The following IGSF21 variants were observed in gnomAD, a reference collection of about 807,000 sequenced individuals.
IGSF21 encodes the protein immunoglobin superfamily member 21, also known as immunoglobulin superfamily member 21.
IGSF21 carries 28 observed loss-of-function variants against 46.8 expected under a neutral mutation model. The ratio of observed to expected loss-of-function variants is 0.60; its 90% CI spans 0.44 to 0.82. The LOEUF (loss-of-function observed/expected upper bound fraction) is 0.82. IGSF21 is among the 40% of genes least tolerant of loss of function. The probability of loss-of-function intolerance (pLI) is 0.00; values close to 1 mark genes in which losing one functional copy is unlikely to be tolerated. For synonymous variants in IGSF21, 284 were observed against 273.6 expected, an observed-to-expected ratio of 1.04 and a Z score of -0.38; for missense variants, 624 against 665.5, an observed-to-expected ratio of 0.94 and a Z score of 0.69.
chr1:18,334,723 T>A lies in IGSF21; in HGVS notation c.306-169T>A, dbSNP rs1032457418. Among the ~76,000 whole-genome samples the A allele has an allele frequency of 2.6e-5, 4 of 152,248 alleles. No homozygotes were observed. The highest frequency in any genetic ancestry group is 6.8e-3 in the Middle Eastern group (2 of 294). ...ACTGTCTGAGATGCCGAGCACAGGG[T>A]CTGCATACAGTCGGTGTTCCATAAA... On this transcript the variant is annotated intron_variant, in intron 3 of 9. Transcript: ENST00000251296. This position sits in a 1 kb window ranked among gnomAD's most constrained non-coding sequence, Gnocchi z 4.3.
At chr1:18,250,552 T>C (rs896209087) in intron 2 of IGSF21, among the ~76,000 whole-genome samples, 3 of 152,206 alleles carry the variant, frequency 2.0e-5, no homozygotes, top group African/African-American at 7.2e-5. Context: ...CATAAAGAGA[T>C]ATGTAATTAA....
At chr1:18,354,992 A>G (rs4920314) in intron 4 of IGSF21, among the ~76,000 whole-genome samples, 46,682 of 151,900 alleles carry the variant, frequency 0.31, 7,552 homozygotes, top group East Asian at 0.46. Context: ...AGAGGCTGGC[A>G]GGGTATGTCT....
intron 4 of IGSF21, among the ~76,000 whole-genome samples, chr1:18,359,387 G>GAAGAAAGAAAGA: frequency 3.0e-5 from 1 of 33,894 alleles, no homozygotes; most frequent in African/African-American, 1.1e-4. Context: ...AGAAAGAAAG[G>GAAGAAAGAAAGA]AAGGAAGGAA....
At chr1:18,192,268 T>C (rs564509460) in intron 1 of IGSF21, among the ~76,000 whole-genome samples, 1 of 152,138 alleles carries the variant, frequency 6.6e-6, no homozygotes, top group Non-Finnish European at 1.5e-5. Flanking sequence ...CCTTCTTGCC[T>C]GTGGTCAGCA....
At chr1:18,226,144 C>T (rs1249175342) in intron 1 of IGSF21, among the ~76,000 whole-genome samples, 1 of 152,236 alleles carries the variant, frequency 6.6e-6, no homozygotes, top group Non-Finnish European at 1.5e-5. Flanking sequence ...TGGGGTCTGT[C>T]CTCCTGAAGG....
intron 1 of IGSF21, among the ~76,000 whole-genome samples, chr1:18,212,069 G>A (rs543569386): frequency 1.2e-4 from 19 of 152,362 alleles, no homozygotes; most frequent in East Asian, 1.9e-4. Flanking sequence ...GTGGAGGGGC[G>A]CAGAGAAGTG....
At chr1:18,121,730 A>C (rs2086235646) in intron 1 of IGSF21, among the ~76,000 whole-genome samples, 1 of 152,038 alleles carries the variant, frequency 6.6e-6, no homozygotes. Flanking sequence ...GTGACCCTTT[A>C]GGAGGAGATG....
chr1:18,303,956 G>C (rs1442477740), intron 3 of IGSF21, among the ~76,000 whole-genome samples: 5 of 152,190 alleles, frequency 3.3e-5, no homozygotes, highest in Non-Finnish European at 5.9e-5. Flanking sequence ...GTGATGAGGA[G>C]TCATTGAAAT....
intron 1 of IGSF21, among the ~76,000 whole-genome samples, chr1:18,219,141 A>G (rs1223432558): frequency 6.6e-6 from 1 of 152,236 alleles, no homozygotes; most frequent in East Asian, 1.9e-4. Flanking sequence ...AAGTATATGT[A>G]GGCAGTGATA....
At chr1:18,232,939 G>C (rs76961563) in intron 2 of IGSF21, among the ~76,000 whole-genome samples, 2 of 152,170 alleles carry the variant, frequency 1.3e-5, no homozygotes, top group African/African-American at 4.8e-5. Flanking sequence ...TAAGTATGAA[G>C]GAAAAGGGAA....
chr1:18,275,285 G>A (rs1035635294), intron 2 of IGSF21, among the ~76,000 whole-genome samples: 1 of 151,968 alleles, frequency 6.6e-6, no homozygotes, highest in Non-Finnish European at 1.5e-5. Flanking sequence ...TTGACCCAGG[G>A]ATCTAAGCTG....
At chr1:18,175,306 C>T (rs938928515) in intron 1 of IGSF21, among the ~76,000 whole-genome samples, 9 of 152,196 alleles carry the variant, frequency 5.9e-5, no homozygotes, top group African/African-American at 2.2e-4. Flanking sequence ...ACAGGCCCCT[C>T]TAGCTCTGAC....
rs560795773 is a variant in IGSF21, at chr1:18,353,712, G to A, written c.425-8403G>A. On this transcript the variant is annotated intron_variant, in intron 4 of 9. Transcript: ENST00000251296. The stretch of plus-strand genomic sequence containing the variant: ...GCTGAGTGAAAGACTTCAAACAGGG[G>A]AAGCTGCACATGCAAAGGCCCTGTG... 5.3e-3 allele frequency among the ~76,000 whole-genome samples: 805 copies of A among 152,328 alleles called. 3 individuals are homozygous for A. The highest frequency in any genetic ancestry group is 9.5e-3 in the Non-Finnish European group (644 of 68,030).
chr1:18,328,766 AT>A (rs2085682954), intron 3 of IGSF21, among the ~76,000 whole-genome samples: 1 of 152,094 alleles, frequency 6.6e-6, no homozygotes, highest in African/African-American at 2.4e-5. Flanking sequence ...AATCAAACTC[AT>A]TTCCTGTGTC....
intron 3 of IGSF21, among the ~76,000 whole-genome samples, chr1:18,305,511 T>TG (rs370049617): frequency 0.44 from 57,934 of 132,670 alleles, 15,379 homozygotes; most frequent in East Asian, 0.69. Context: ...GATGGATGGA[T>TG]GAATGGATGG....
chr1:18,372,221 C>A (rs148016328), intron 6 of IGSF21, among the ~76,000 whole-genome samples: 1 of 152,314 alleles, frequency 6.6e-6, no homozygotes, highest in Admixed American at 6.5e-5. Flanking sequence ...TTAATTAATG[C>A]TTTTCTAGGT....
intron 4 of IGSF21, among the ~76,000 whole-genome samples, chr1:18,359,412 A>C (rs1375079459): frequency 1.4e-5 from 2 of 147,130 alleles, no homozygotes; most frequent in African/African-American, 2.5e-5. Context: ...GGAAGGAAGG[A>C]AGGAAGGAAG....
chr1:18,296,484 T>G (rs2085313484), intron 3 of IGSF21, among the ~76,000 whole-genome samples: 1 of 152,052 alleles, frequency 6.6e-6, no homozygotes. Flanking sequence ...CTAAGGGCAG[T>G]AAACTGGGGA....
At chr1:18,115,842 G>GAAGGAAGGAAGGAAGAAAGC (rs1326188397) in intron 1 of IGSF21, 1 of 87,770 alleles carries the variant, frequency 1.1e-5, no homozygotes, top group African/African-American at 5.2e-5. Flanking sequence ...AGGAAGGAAG[G>GAAGGAAGGAAGGAAGAAAGC]AAGAAAGAAA....
Sources: gnomAD v4.1 joint callset for allele counts (sites outside exome capture counted in the v4.1 genomes callset) on GRCh38, gnomAD v4.1.1 for gene constraint, Gnocchi (gnomAD v3.1) non-coding constraint, MANE v1.5 for transcripts, NCBI Gene and HGNC (gene_info 2026-07-23, HGNC 2026-07-21) for gene names.